Variants in HSPA14 observed in about 807,000 individuals in gnomAD.
The protein encoded by HSPA14 is heat shock 70 kDa protein 14.
A neutral mutation model predicts 65.5 loss-of-function variants in HSPA14; 37 were observed. That is an observed-to-expected ratio of 0.56 (90% CI 0.43 to 0.74). The LOEUF is 0.74. HSPA14 is among the 30% of genes least tolerant of loss of function. HSPA14 has a pLI of 0.00. For missense variants in HSPA14, 564 were observed against 607.6 expected, an observed-to-expected ratio of 0.93 and a Z score of 0.75; for synonymous variants, 203 against 214.2, an observed-to-expected ratio of 0.95 and a Z score of 0.46.
chr10:14,851,810 G>T (rs547676171), intron 7 of HSPA14, among the ~76,000 whole-genome samples: 31 of 152,286 alleles, frequency 2.0e-4, no homozygotes, highest in African/African-American at 6.3e-4. Context: ...CAACTTTAGA[G>T]AAGTTAATTC....
Position 14,842,916 on chromosome 10 carries a change from T to C in HSPA14, c.221+2759T>C. 9.1e-7 allele frequency: 1 copy of C among 1,099,308 alleles called. No homozygotes were observed. The highest frequency in any genetic ancestry group is 1.3e-6 in the Non-Finnish European group (1 of 784,532). The allele number at this position is 1,099,308 out of a possible 1,614,324, so 68.1% of individuals were successfully genotyped here. A position where few individuals can be genotyped will look rare whatever the true frequency, so the allele number is the denominator to read the frequency against. On this transcript the variant is annotated intron_variant, in intron 3 of 13. Transcript: ENST00000378372. The surrounding 1 kb of genome is among the most constrained non-coding windows in gnomAD (Gnocchi z 5.2). ...GCTCTAAACATTTAGCTGTGTCTGT[T>C]TGGATAGTGTCCTCTTCAGCATAGT...
At position 14,871,697 on chromosome 10, in the gene HSPA14, T is replaced by G; in HGVS notation, c.*91T>G. ...TGTTTGTATTAAAATACTTTTTCAATGAACTGTATAAACTATGTTTTATTA... is the reference window on the plus strand; with the variant it reads ...TGTTTGTATTAAAATACTTTTTCAAGGAACTGTATAAACTATGTTTTATTA... On this transcript the variant is annotated 3_prime_UTR_variant, in exon 14 of 14. Coordinates refer to ENST00000378372, the MANE Select transcript of HSPA14 (RefSeq NM_016299.4). 1 of 661,886 alleles carries G rather than the reference T, an allele frequency of 1.5e-6. No homozygotes were observed. 41.0% of individuals were successfully genotyped at this position (661,886 alleles called of 1,614,324 possible). A position where few individuals can be genotyped will look rare whatever the true frequency, so the allele number is the denominator to read the frequency against.
chr10:14,863,982 A>G (rs894437363), intron 10 of HSPA14, among the ~76,000 whole-genome samples: 3 of 149,530 alleles, frequency 2.0e-5, no homozygotes, highest in East Asian at 2.0e-4. Context: ...GGACACAGTG[A>G]GATGGTGGCC....
chr10:14,841,692 G>T (rs1022447387), intron 3 of HSPA14, among the ~76,000 whole-genome samples: 3 of 152,218 alleles, frequency 2.0e-5, no homozygotes, highest in Non-Finnish European at 2.9e-5. Flanking sequence ...AAAAAAATTT[G>T]TATTAGCAGA....
intron 3 of HSPA14, among the ~76,000 whole-genome samples, chr10:14,841,470 C>T (rs1343339308): frequency 2.6e-5 from 4 of 152,126 alleles, no homozygotes; most frequent in African/African-American, 9.7e-5. Flanking sequence ...AAACACATTG[C>T]TGGATTCACC....
intron 10 of HSPA14, among the ~76,000 whole-genome samples, chr10:14,863,059 A>G (rs989462979): frequency 1.5e-4 from 22 of 151,494 alleles, no homozygotes; most frequent in African/African-American, 4.4e-4. Context: ...CACCAGTGAG[A>G]TGATCTTATG....
intron 7 of HSPA14, 27 bp downstream of exon 7, chr10:14,851,350 T>C (rs749540348): frequency 7.9e-7 from 1 of 1,265,070 alleles, no homozygotes; most frequent in African/African-American, 1.5e-5. Context: ...CAGTTTTAGG[T>C]TTTTTGAGTG....
In HSPA14 at chr10:14,846,009, C is replaced by T. The variant is rs906548225; in HGVS notation, c.222-2600C>T. The T allele has an allele frequency of 2.4e-5, 22 of 933,964 alleles. No individual in the cohort carries two copies. In the African/African-American group the frequency reaches 3.7e-4, roughly 16 times the overall value. The allele number at this position is 933,964 out of a possible 1,614,324, so 57.9% of individuals were successfully genotyped here. On this transcript the variant is annotated intron_variant, in intron 3 of 13. Transcript: ENST00000378372. ...ATTTTAATTGTAATATTTTCTGTCA[C>T]AGCAGCATATGTATATTTGAAATAC...
At chr10:14,844,650 G>A (rs1480734774) in intron 3 of HSPA14, 9 of 983,522 alleles carry the variant, frequency 9.2e-6, no homozygotes, top group Non-Finnish European at 1.1e-5. Flanking sequence ...AAGTGCCAGG[G>A]AGCCGCCATT....
chr10:14,850,307 A>C (rs867850718), intron 6 of HSPA14, among the ~76,000 whole-genome samples: 1 of 151,904 alleles, frequency 6.6e-6, no homozygotes, highest in Non-Finnish European at 1.5e-5. Flanking sequence ...AAAATTAAAT[A>C]TGGTGTACCT....
At chr10:14,863,929 C>T (rs1832779128) in intron 10 of HSPA14, among the ~76,000 whole-genome samples, 1 of 151,844 alleles carries the variant, frequency 6.6e-6, no homozygotes, top group Non-Finnish European at 1.5e-5. Flanking sequence ...AACCACCCTC[C>T]CTCCCCCTCC....
At chr10:14,844,878 A>AT (rs1314069177) in intron 3 of HSPA14, 4 of 984,970 alleles carry the variant, frequency 4.1e-6, no homozygotes, top group Non-Finnish European at 3.6e-6. Context: ...CTTTTCTGTT[A>AT]TTTTTTTGTC....
At chr10:14,844,229 C>T in intron 3 of HSPA14, 6 of 1,099,696 alleles carry the variant, frequency 5.5e-6, no homozygotes, top group Non-Finnish European at 6.9e-6. Flanking sequence ...AACTCCTGCC[C>T]TGCCTACCTC....
intron 6 of HSPA14, 72 bp from the exon 7 acceptor site, chr10:14,851,147 A>G: frequency 1.2e-6 from 1 of 820,626 alleles, no homozygotes; most frequent in South Asian, 1.5e-5. Context: ...TAAAATCTTT[A>G]GCAGATCATT....
intron 10 of HSPA14, among the ~76,000 whole-genome samples, chr10:14,865,586 T>C (rs965146160): frequency 2.6e-5 from 4 of 152,252 alleles, no homozygotes; most frequent in Admixed American, 6.5e-5. Flanking sequence ...AGGGAATCCT[T>C]TCCCCATTTC....
At chr10:14,846,542 G>C (rs1462443735) in intron 3 of HSPA14, 3 of 985,220 alleles carry the variant, frequency 3.0e-6, no homozygotes, top group South Asian at 9.4e-5. Flanking sequence ...AGCAAGCCAG[G>C]AATCTGCCTA....
chr10:14,855,621 G>C (rs1041240683), intron 9 of HSPA14, among the ~76,000 whole-genome samples: 10 of 152,106 alleles, frequency 6.6e-5, no homozygotes, highest in African/African-American at 2.4e-4. Context: ...ATATGTAGGT[G>C]AATGACCTAG....
At chr10:14,847,400 G>C (rs1834068889) in intron 3 of HSPA14, among the ~76,000 whole-genome samples, 1 of 152,162 alleles carries the variant, frequency 6.6e-6, no homozygotes, top group Non-Finnish European at 1.5e-5. Context: ...TTGGGATATA[G>C]TTAATATTAA....
chr10:14,862,535 T>C (rs1471159677), intron 10 of HSPA14, among the ~76,000 whole-genome samples: 39 of 139,788 alleles, frequency 2.8e-4, no homozygotes, highest in Middle Eastern at 4.9e-3. Flanking sequence ...CCACCACGCC[T>C]GGCTAATTTT....
Sources: allele counts gnomAD v4.1 joint callset (sites outside exome capture counted in the v4.1 genomes callset), GRCh38; gene constraint gnomAD v4.1.1; non-coding constraint Gnocchi (gnomAD v3.1); transcripts MANE v1.5; gene names NCBI Gene and HGNC (gene_info 2026-07-23, HGNC 2026-07-21).